Variants in CTTNBP2 observed in about 807,000 individuals in gnomAD.
The protein encoded by CTTNBP2 is cortactin-binding protein 2.
Under a neutral mutation model 156.9 loss-of-function variants are expected in CTTNBP2, and 108 were observed. That is an observed-to-expected ratio of 0.69 (90% CI 0.59 to 0.81). The LOEUF is 0.81. Ranked by LOEUF, CTTNBP2 falls within the 30% of genes least tolerant of loss-of-function variation. CTTNBP2 has a pLI of 0.00. For synonymous variants in CTTNBP2, 767 were observed against 751.8 expected, an observed-to-expected ratio of 1.02 and a Z score of -0.33; for missense variants, 1,924 against 2,035.4, an observed-to-expected ratio of 0.95 and a Z score of 1.05.
intron 19 of CTTNBP2, among the ~76,000 whole-genome samples, chr7:117,722,392 T>C (rs1794846588): frequency 6.6e-6 from 1 of 152,178 alleles, no homozygotes; most frequent in South Asian, 2.1e-4. Context: ...AACTACTGAC[T>C]CATGAATTAT....
chr7:117,728,175 G>C lies in CTTNBP2; in HGVS notation c.3969C>G (p.Ala1323=). Residue 1323 remains alanine, a synonymous_variant, in exon 17 of 23, where the codon GCC becomes GCG. Transcript: ENST00000160373. ...SVWRQLNSCL[A]RLGTPEALLG... ...GAAGTGCTTCAGGTGTGCCCAAGCGGGCCAGGCAGGAGTTAAGCTGACGCC... is the reference window on the plus strand; with the variant it reads ...GAAGTGCTTCAGGTGTGCCCAAGCGCGCCAGGCAGGAGTTAAGCTGACGCC... 4 of 1,614,146 alleles carry C rather than the reference G, an allele frequency of 2.5e-6. No individual in the cohort carries two copies. The highest frequency in any genetic ancestry group is 3.4e-6 in the Non-Finnish European group (4 of 1,179,996).
intron 9 of CTTNBP2, among the ~76,000 whole-genome samples, chr7:117,761,882 T>G (rs1797235985): frequency 6.6e-6 from 1 of 152,238 alleles, no homozygotes; most frequent in Non-Finnish European, 1.5e-5. Flanking sequence ...AACATGTGTT[T>G]GTTTATATGA....
At position 117,741,697 on chromosome 7, in the gene CTTNBP2, A is replaced by T. The variant is rs150960074; in HGVS notation, c.3535+4134T>A. ...ACCTAGAGTGGAGTATTTTGTCCTT[A>T]GTCTATTGTTCAAACACTTCATTTT... is the stretch of plus-strand genomic sequence containing the variant. On this transcript the variant is annotated intron_variant, in intron 14 of 22. Transcript: ENST00000160373. Among the ~76,000 whole-genome samples the T allele has an allele frequency of 7.2e-5, 11 of 152,252 alleles. No homozygotes were observed. The East Asian group carries it at 9.6e-4, about 13-fold the overall frequency.
At chr7:117,756,436 G>A (rs563256556) in intron 12 of CTTNBP2, 119 bp downstream of exon 12, 28 of 748,922 alleles carry the variant, frequency 3.7e-5, no homozygotes, top group African/African-American at 1.4e-4. Context: ...GGAAGGTAAC[G>A]GTGTCAGAGC....
intron 2 of CTTNBP2, among the ~76,000 whole-genome samples, chr7:117,844,065 A>T (rs1802434081): frequency 6.6e-6 from 1 of 152,150 alleles, no homozygotes; most frequent in Non-Finnish European, 1.5e-5. Flanking sequence ...AGAGAGAGAC[A>T]GGGACAGATA....
At chr7:117,815,554 G>A (rs915063134) in intron 2 of CTTNBP2, among the ~76,000 whole-genome samples, 3 of 152,006 alleles carry the variant, frequency 2.0e-5, no homozygotes, top group Admixed American at 6.6e-5. Context: ...AGGAACTTTC[G>A]GTGACTTGGA....
chr7:117,769,708 T>C (rs1797704549), intron 8 of CTTNBP2, among the ~76,000 whole-genome samples: 1 of 152,240 alleles, frequency 6.6e-6, no homozygotes, highest in African/African-American at 2.4e-5. Flanking sequence ...AATAAGATAA[T>C]GTTGATTTAG....
intron 2 of CTTNBP2, among the ~76,000 whole-genome samples, chr7:117,849,368 T>C (rs116688064): frequency 0.02 from 3,046 of 152,290 alleles, 121 homozygotes; most frequent in African/African-American, 0.07. Context: ...CTGAGTTAGT[T>C]GATCTAGGGT....
At chr7:117,809,669 C>T (rs899237705) in intron 3 of CTTNBP2, among the ~76,000 whole-genome samples, 17 of 152,204 alleles carry the variant, frequency 1.1e-4, no homozygotes, top group Non-Finnish European at 2.5e-4. Context: ...AAAATGTTTC[C>T]TTTTATGCAG....
At chr7:117,812,591 T>C (rs1800356349) in intron 2 of CTTNBP2, among the ~76,000 whole-genome samples, 2 of 152,176 alleles carry the variant, frequency 1.3e-5, no homozygotes, top group African/African-American at 4.8e-5. Flanking sequence ...AAGCTAGCTT[T>C]CAGAAGACCA....
intron 2 of CTTNBP2, among the ~76,000 whole-genome samples, chr7:117,852,416 G>A (rs1170848762): frequency 6.6e-6 from 1 of 152,066 alleles, no homozygotes; most frequent in Non-Finnish European, 1.5e-5. Context: ...AGGGTGGAAA[G>A]AGCAGTTCCT....
chr7:117,791,818 C>A lies in CTTNBP2; in HGVS notation c.1378G>T (p.Asp460Tyr), dbSNP rs766131733. ...CTTTGGGTAGTATTTCCATTTTGGT[C>A]TGGGTCGTTAGCATTGCCCTGAAAT... ...FRFQGNANDP[D>Y]QNGNTTQSPP... The change falls in exon 4 of 23, where the codon GAC becomes TAC. Residue 460 changes from aspartate to tyrosine, a missense_variant. Coordinates refer to ENST00000160373, the MANE Select transcript of CTTNBP2 (RefSeq NM_033427.3). The A allele has an allele frequency of 3.1e-6, 5 of 1,614,152 alleles. No individual in the cohort carries two copies. The highest frequency in any genetic ancestry group is 4.2e-6 in the Non-Finnish European group (5 of 1,180,042).
rs771651967 is a variant in CTTNBP2 at position 117,791,980 on chromosome 7, C to G, written c.1216G>C (p.Ala406Pro). Residue 406 changes from alanine to proline, a missense_variant, in exon 4 of 23, where the codon GCC becomes CCC. Transcript: ENST00000160373. ...SSTPPLPSNA[A>P]PPTAQTPGIA... is the part of the protein sequence containing the mutation. The stretch of plus-strand genomic sequence containing the variant: ...CCTGGTGTTTGAGCGGTGGGAGGGG[C>G]AGCGTTACTGGGAAGTGGGGGTGTG... 2 of 1,613,958 alleles carry G rather than the reference C, an allele frequency of 1.2e-6. No homozygotes were observed. Among genetic ancestry groups the G allele is most frequent in the South Asian group, 2.2e-5 (2 of 91,070 alleles).
At chr7:117,832,136 C>T (rs1031104784) in intron 2 of CTTNBP2, among the ~76,000 whole-genome samples, 2 of 152,156 alleles carry the variant, frequency 1.3e-5, no homozygotes, top group African/African-American at 2.4e-5. Flanking sequence ...TGCCATCCTA[C>T]AACTCACCTG....
At chr7:117,728,932 T>C (rs1795252294) in intron 16 of CTTNBP2, among the ~76,000 whole-genome samples, 1 of 152,230 alleles carries the variant, frequency 6.6e-6, no homozygotes, top group Non-Finnish European at 1.5e-5. Flanking sequence ...AGCTCTCTGT[T>C]TAAGCCTCAC....
At chr7:117,776,570 T>C (rs552699903) in intron 8 of CTTNBP2, among the ~76,000 whole-genome samples, 11 of 152,326 alleles carry the variant, frequency 7.2e-5, no homozygotes, top group Non-Finnish European at 1.3e-4. Flanking sequence ...TAGTTTTTAA[T>C]GCTCCTTTCA....
intron 9 of CTTNBP2, among the ~76,000 whole-genome samples, chr7:117,766,746 T>C (rs528838694): frequency 1.6e-4 from 24 of 152,320 alleles, no homozygotes; most frequent in African/African-American, 5.8e-4. Flanking sequence ...GGATTTTTCA[T>C]ATCCTGCCAG....
intron 2 of CTTNBP2, among the ~76,000 whole-genome samples, chr7:117,816,571 T>G (rs553011075): frequency 6.6e-6 from 1 of 152,196 alleles, no homozygotes; most frequent in South Asian, 2.1e-4. Flanking sequence ...AGGTTCAGAG[T>G]TTAGCCTAAT....
intron 2 of CTTNBP2, among the ~76,000 whole-genome samples, chr7:117,845,111 T>A (rs1031967554): frequency 4.6e-5 from 7 of 151,984 alleles, no homozygotes; most frequent in African/African-American, 1.7e-4. Context: ...GGTGTGGGCA[T>A]GAGGTAGGCA....
Sources: allele counts gnomAD v4.1 joint callset (sites outside exome capture counted in the v4.1 genomes callset), GRCh38; gene constraint gnomAD v4.1.1; transcripts MANE v1.5; gene names NCBI Gene and HGNC (gene_info 2026-07-23, HGNC 2026-07-21).